LOXL4: variants seen among roughly 807,000 people sequenced by gnomAD.
LOXL4 encodes the protein lysyl oxidase homolog 4.
LOXL4 carries 72 observed loss-of-function variants against 89.1 expected under a neutral mutation model. That is an observed-to-expected ratio of 0.81 (90% CI 0.67 to 0.98). The LOEUF (loss-of-function observed/expected upper bound fraction) is 0.98, where lower values mean the gene tolerates loss of function less well. Among genes scored for constraint, LOXL4 ranks in the 50% least tolerant of loss-of-function variants. LOXL4 has a pLI of 0.00. For missense variants in LOXL4, 984 were observed against 1,017.5 expected (o/e 0.97, Z 0.45); for synonymous variants, 355 against 392.1 (o/e 0.91, Z 1.12).
chr10:98,257,013 CTGG>C, intron 8 of LOXL4, 66 bp from the exon 9 acceptor site: 1 of 1,545,268 alleles, frequency 6.5e-7, no homozygotes, highest in South Asian at 1.2e-5. Context: ...GGCTGCGAGC[CTGG>C]AGGTCTGCCC....
rs372106198 is a variant in LOXL4 at position 98,253,581 on chromosome 10, C to T, written c.1807G>A (p.Asp603Asn). 50 of 1,614,148 alleles carry T rather than the reference C, an allele frequency of 3.1e-5. No individual in the cohort carries two copies. Among genetic ancestry groups the T allele is most frequent in the Admixed American group, 1.7e-4 (10 of 60,014 alleles). Reference protein sequence around the residue: ...RTDFRPKTGRDSWVWHQCHRH... With the variant: ...RTDFRPKTGRNSWVWHQCHRH... ...TGGCACTGGTGCCAAACCCAGCTAT[C>T]GCGTCCAGTCTTTGGACGAAAGTCA... is the stretch of plus-strand genomic sequence containing the variant. The change falls in exon 11 of 15, where the codon GAT (aspartate) becomes AAT (asparagine). Residue 603 changes from aspartate (D) to asparagine (N), a missense_variant. Physicochemically the swap from Asp to Asn is conservative, Grantham distance 23 (BLOSUM62 1). Coordinates refer to ENST00000260702, the MANE Select transcript of LOXL4 (RefSeq NM_032211.7).
chr10:98,248,841 G>T lies in LOXL4; in HGVS notation c.*80C>A. On this transcript the variant is annotated 3_prime_UTR_variant, in exon 15 of 15. Transcript: ENST00000260702. ...GGCACTGGCCCTTTTCCTCTGAGTT[G>T]GGACTCTGTGAAGGGCATGGCTCCA... is the stretch of plus-strand genomic sequence containing the variant. 1 of 1,323,262 alleles carries T rather than the reference G, an allele frequency of 7.6e-7. No individual in the cohort carries two copies. The highest frequency in any genetic ancestry group is 1.1e-6 in the Non-Finnish European group (1 of 933,550). The allele number at this position is 1,323,262 out of a possible 1,614,324, so 82.0% of individuals were successfully genotyped here.
intron 3 of LOXL4, 120 bp downstream of exon 3, chr10:98,261,915 C>T (rs79859523): frequency 0.085 from 90,164 of 1,055,884 alleles, 4,426 homozygotes; most frequent in East Asian, 0.2. Context: ...GGCCTGGGGA[C>T]GATGCTCAGT....
chr10:98,261,414 G>A (rs1564761289), intron 3 of LOXL4, among the ~76,000 whole-genome samples: 1 of 152,214 alleles, frequency 6.6e-6, no homozygotes, highest in Non-Finnish European at 1.5e-5. Context: ...GCTGGGATCA[G>A]GATGGGAGCC....
intron 1 of LOXL4, among the ~76,000 whole-genome samples, chr10:98,266,953 G>A (rs1010759937): frequency 5.3e-5 from 8 of 152,294 alleles, no homozygotes; most frequent in South Asian, 2.1e-4. Flanking sequence ...AGAAGGAAGC[G>A]GCCTCGAAAG....
chr10:98,263,850 C>T (rs895513451), intron 1 of LOXL4, among the ~76,000 whole-genome samples: 6 of 151,464 alleles, frequency 4.0e-5, no homozygotes, highest in African/African-American at 1.5e-4. Flanking sequence ...TCTGCCTCAT[C>T]CTCCTGAGTA....
At chr10:98,267,079 A>G (rs1858702669) in intron 1 of LOXL4, among the ~76,000 whole-genome samples, 1 of 152,308 alleles carries the variant, frequency 6.6e-6, no homozygotes. Flanking sequence ...ATACGGATTA[A>G]ATACTTATCT....
intron 14 of LOXL4, among the ~76,000 whole-genome samples, chr10:98,249,447 C>T (rs1858126450): frequency 6.6e-6 from 1 of 152,224 alleles, no homozygotes; most frequent in African/African-American, 2.4e-5. Context: ...ACTCCTGTTC[C>T]AGCTAGGTTC....
intron 3 of LOXL4, 119 bp from the exon 4 acceptor site, chr10:98,261,246 C>A: frequency 9.4e-7 from 1 of 1,061,954 alleles, no homozygotes; most frequent in Non-Finnish European, 1.4e-6. Context: ...CCCACCCAGC[C>A]CGGTCATTGA....
rs558638572 is a variant in LOXL4 at position 98,259,028 on chromosome 10, C to T, written c.902G>A (p.Arg301His). 2.6e-5 allele frequency: 40 copies of T among 1,553,532 alleles called. No homozygotes were observed. In the African/African-American group the frequency reaches 2.9e-4, roughly 11 times the overall value. The stretch of plus-strand genomic sequence containing the variant: ...GCTCACCTCTGCCCAGGACCCTTTG[C>T]GTTGTGGCTTTGTCTTCGGTGGGCG... ...HFRPPKTKPQ[R>H]KGSWAEEPRV... Residue 301 changes from arginine to histidine, a missense_variant, in exon 6 of 15, where the codon CGC (arginine) becomes CAC (histidine). Arg to His is a conservative substitution (Grantham distance 29, BLOSUM62 0). Coordinates refer to ENST00000260702, the MANE Select transcript of LOXL4 (RefSeq NM_032211.7).
chr10:98,251,630 C>G lies in LOXL4; in HGVS notation c.2024G>C (p.Arg675Pro), dbSNP rs199733612. The G allele has an allele frequency of 1.9e-6, 3 of 1,614,220 alleles. No individual in the cohort carries two copies. Among genetic ancestry groups the G allele is most frequent in the Non-Finnish European group, 2.5e-6 (3 of 1,180,044 alleles). The change falls in exon 13 of 15, where the codon CGG (arginine) becomes CCG (proline). Residue 675 changes from arginine (R) to proline (P), a missense_variant. Transcript: ENST00000260702. ...CACCCACTGGCAATCAATGTCATGCCGGTAGGTGTCCCAGCAGCCTACAGT... is the reference window on the plus strand; with the variant it reads ...CACCCACTGGCAATCAATGTCATGCGGGTAGGTGTCCCAGCAGCCTACAGT... ...GVTVGCWDTYRHDIDCQWVDI... is the reference protein window; with the variant it reads ...GVTVGCWDTYPHDIDCQWVDI...
At position 98,251,101 on chromosome 10, in the gene LOXL4, C is replaced by T. The variant is rs1350782711; in HGVS notation, c.2164G>A (p.Asp722Asn). The T allele has an allele frequency of 3.1e-6, 5 of 1,614,028 alleles. No homozygotes were observed. The East Asian group carries it at 1.1e-4, about 36-fold the overall frequency. The change falls in exon 14 of 15, where the codon GAT becomes AAT. Residue 722 changes from aspartate to asparagine, a missense_variant. Physicochemically the swap from Asp to Asn is conservative, Grantham distance 23. Coordinates refer to ENST00000260702, the MANE Select transcript of LOXL4 (RefSeq NM_032211.7). Reference protein sequence around the residue: ...NNMLQCRCKYDGHRVWLHNCH... With the variant: ...NNMLQCRCKYNGHRVWLHNCH... ...TTGTGCAGCCAGACCCGGTGCCCAT[C>T]ATACTTGCAGCGGCACTGCAGCATA...
chr10:98,250,818 A>G (rs755564491), intron 14 of LOXL4, among the ~76,000 whole-genome samples: 189 of 152,328 alleles, frequency 1.2e-3, no homozygotes, highest in Middle Eastern at 6.8e-3. Flanking sequence ...TGAGTTTACA[A>G]TCAAACAGCC....
chr10:98,260,780 G>A, intron 4 of LOXL4, 142 bp downstream of exon 4: 1 of 829,342 alleles, frequency 1.2e-6, no homozygotes, highest in Non-Finnish European at 1.9e-6. Flanking sequence ...ACTCGCCTGT[G>A]TGCATACTTA....
chr10:98,255,892 G>A (rs1858347702), intron 9 of LOXL4, 153 bp from the exon 10 acceptor site: 1 of 824,224 alleles, frequency 1.2e-6, no homozygotes, highest in Non-Finnish European at 1.9e-6. Flanking sequence ...ATTCCCTGGG[G>A]CAGTCCATGA....
At position 98,253,559 on chromosome 10, in the gene LOXL4, C is replaced by T. The variant is rs1202937451; in HGVS notation, c.1829G>A (p.Cys610Tyr). The part of the protein sequence containing the change: ...TGRDSWVWHQ[C>Y]HRHYHSIEVF... Reference sequence around the variant, plus strand: ...TGCATGGGCAGGCTCTAACCTGTGGCACTGGTGCCAAACCCAGCTATCGCG... The same window carrying T: ...TGCATGGGCAGGCTCTAACCTGTGGTACTGGTGCCAAACCCAGCTATCGCG... Residue 610 changes from cysteine (C) to tyrosine (Y), a missense_variant, in exon 11 of 15, where the codon TGC becomes TAC. Cys to Tyr is a radical substitution (Grantham distance 194, BLOSUM62 -2). Transcript: ENST00000260702. The T allele has an allele frequency of 6.2e-7, 1 of 1,614,172 alleles. No individual in the cohort carries two copies. Among genetic ancestry groups the T allele is most frequent in the East Asian group, 2.2e-5 (1 of 44,902 alleles).
intron 11 of LOXL4, 63 bp from the exon 12 acceptor site, chr10:98,252,531 G>T (rs1340796807): frequency 2.6e-6 from 3 of 1,170,728 alleles, no homozygotes; most frequent in Middle Eastern, 2.3e-4. Flanking sequence ...TGGAGGGGCT[G>T]GTAGGGAAGA....
At chr10:98,258,401 G>A (rs192009853) in intron 6 of LOXL4, among the ~76,000 whole-genome samples, 4 of 152,006 alleles carry the variant, frequency 2.6e-5, no homozygotes, top group South Asian at 4.2e-4. Flanking sequence ...CAAGGATGCC[G>A]TCTCAAGTGT....
At chr10:98,261,930 A>G in intron 3 of LOXL4, 105 bp downstream of exon 3, 5 of 1,218,070 alleles carry the variant, frequency 4.1e-6, no homozygotes, top group East Asian at 2.6e-5. Context: ...CTCAGTGCAG[A>G]CTGCACCCTT....
Sources: allele counts gnomAD v4.1 joint callset (sites outside exome capture counted in the v4.1 genomes callset), GRCh38; gene constraint gnomAD v4.1.1; transcripts MANE v1.5; gene names NCBI Gene and HGNC (gene_info 2026-07-23, HGNC 2026-07-21).